PTPRN2: variants seen among roughly 807,000 people sequenced by gnomAD.
The protein encoded by PTPRN2 is protein tyrosine phosphatase receptor type N2.
A neutral mutation model predicts 118.8 loss-of-function variants in PTPRN2; 74 were observed. The ratio of observed to expected loss-of-function variants is 0.62; its 90% CI spans 0.52 to 0.76. PTPRN2 has a LOEUF of 0.76. PTPRN2 is among the 30% of genes least tolerant of loss of function. The probability of loss-of-function intolerance (pLI) is 0.00; values close to 1 mark genes in which losing one functional copy is unlikely to be tolerated. For missense variants in PTPRN2, 1,481 were observed against 1,394.4 expected, an observed-to-expected ratio of 1.06 and a Z score of -0.99; for synonymous variants, 641 against 608.0, an observed-to-expected ratio of 1.05 and a Z score of -0.80.
intron 6 of PTPRN2, among the ~76,000 whole-genome samples, chr7:158,156,754 G>T (rs1821857066): frequency 6.6e-6 from 1 of 152,286 alleles, no homozygotes; most frequent in African/African-American, 2.4e-5. Context: ...CCTGCCCTGT[G>T]CCCTCAGAGC....
chr7:157,938,761 G>C (rs951661919), intron 11 of PTPRN2, among the ~76,000 whole-genome samples: 1 of 152,206 alleles, frequency 6.6e-6, no homozygotes, highest in South Asian at 2.1e-4. Context: ...AAGCATGATT[G>C]TTTTTGAGTA....
At position 158,270,753 on chromosome 7, in the gene PTPRN2, T is replaced by C. The variant is rs1287195383; in HGVS notation, c.277+46066A>G. ...TGCCTTCTCTACCTGAGCCGTCTTC[T>C]CCACCTGGACCACCCCGTCCACCTG... On this transcript the variant is annotated intron_variant, in intron 3 of 22. Coordinates refer to ENST00000389418, the MANE Select transcript of PTPRN2 (RefSeq NM_002847.5). 9.6e-5 allele frequency among the ~76,000 whole-genome samples: 14 copies of C among 145,106 alleles called. 1 individual carries two copies. Among genetic ancestry groups the C allele is most frequent in the African/African-American group, 3.2e-4 (12 of 37,520 alleles).
intron 11 of PTPRN2, among the ~76,000 whole-genome samples, chr7:158,071,510 G>A (rs1309296028): frequency 7.2e-6 from 1 of 138,828 alleles, no homozygotes; most frequent in Non-Finnish European, 1.5e-5. Flanking sequence ...TGGTGGAGAT[G>A]CTCGTGGTGG....
chr7:157,580,976 G>T (rs1342300713), intron 17 of PTPRN2, among the ~76,000 whole-genome samples: 4 of 120,682 alleles, frequency 3.3e-5, no homozygotes, highest in Non-Finnish European at 6.7e-5. Context: ...GCACACCGCA[G>T]CCCCTGCACA....
intron 5 of PTPRN2, among the ~76,000 whole-genome samples, chr7:158,168,590 A>C (rs1233382091): frequency 6.6e-6 from 1 of 152,224 alleles, no homozygotes; most frequent in Non-Finnish European, 1.5e-5. Flanking sequence ...TGAAGACCTG[A>C]AACATGTTTG....
intron 11 of PTPRN2, among the ~76,000 whole-genome samples, chr7:158,068,620 A>G (rs1048145528): frequency 6.6e-6 from 1 of 151,994 alleles, no homozygotes; most frequent in Non-Finnish European, 1.5e-5. Context: ...ATCACTGTGA[A>G]CTAAGGTATC....
At chr7:157,843,137 ACTCT>A (rs776853893) in intron 12 of PTPRN2, among the ~76,000 whole-genome samples, 2 of 152,094 alleles carry the variant, frequency 1.3e-5, no homozygotes, top group East Asian at 1.9e-4. Context: ...AGAAAATTAA[ACTCT>A]CTCTGTTTAT....
chr7:157,549,466 A>G (rs1798487429), intron 21 of PTPRN2, among the ~76,000 whole-genome samples: 1 of 152,068 alleles, frequency 6.6e-6, no homozygotes, highest in Non-Finnish European at 1.5e-5. Flanking sequence ...ACTCAACCTT[A>G]ATATTGGCTT....
rs1022168452 is a variant in PTPRN2 at position 158,047,039 on chromosome 7, C to G, written c.1723+34259G>C. 5.3e-5 allele frequency among the ~76,000 whole-genome samples: 8 copies of G among 152,352 alleles called. No homozygotes were observed. The East Asian group carries it at 1.5e-3, about 29-fold the overall frequency. ...GAGGCCTGGCCTAAAAACGCCCCCG[C>G]CCCTCGCCCCGGAATGGAGCCTCCA... On this transcript the variant is annotated intron_variant, in intron 11 of 22. Transcript: ENST00000389418.
At chr7:157,595,204 T>G (rs1801220368) in intron 17 of PTPRN2, 34 bp downstream of exon 17, 1 of 1,600,916 alleles carries the variant, frequency 6.2e-7, no homozygotes, top group Admixed American at 1.7e-5. Flanking sequence ...GATCTTCTTT[T>G]CAGAAAGAGA....
At chr7:157,951,597 G>A (rs10267513) in intron 11 of PTPRN2, among the ~76,000 whole-genome samples, 2,286 of 152,300 alleles carry the variant, frequency 0.015, 52 homozygotes, top group African/African-American at 0.046. Flanking sequence ...TCTCAACACC[G>A]GGTGAAAAGG....
chr7:157,679,003 T>C (rs1441442102), intron 13 of PTPRN2, among the ~76,000 whole-genome samples: 1 of 152,050 alleles, frequency 6.6e-6, no homozygotes, highest in African/African-American at 2.4e-5. Flanking sequence ...GACACCTACA[T>C]GAAAAAAGAA....
intron 22 of PTPRN2, among the ~76,000 whole-genome samples, chr7:157,544,080 C>T (rs937053316): frequency 1.2e-4 from 16 of 137,726 alleles, no homozygotes; most frequent in African/African-American, 1.7e-4. Flanking sequence ...TGGAGAGAGA[C>T]GGAGAGAGGT....
intron 9 of PTPRN2, among the ~76,000 whole-genome samples, chr7:158,127,271 T>A (rs774274234): frequency 7.0e-4 from 106 of 151,502 alleles, no homozygotes; most frequent in Non-Finnish European, 7.6e-4. Flanking sequence ...AGGCTGCTCA[T>A]CCGTGCACCT....
At chr7:158,232,712 T>C (rs1325536057) in intron 3 of PTPRN2, among the ~76,000 whole-genome samples, 1 of 151,954 alleles carries the variant, frequency 6.6e-6, no homozygotes, top group African/African-American at 2.4e-5. Flanking sequence ...CAAGAACACA[T>C]TAAAAAGATC....
intron 10 of PTPRN2, among the ~76,000 whole-genome samples, chr7:158,104,546 G>A (rs1585449635): frequency 6.6e-6 from 1 of 152,114 alleles, no homozygotes; most frequent in Non-Finnish European, 1.5e-5. Context: ...AGAAAAGAGA[G>A]AGAACAGGAC....
At chr7:158,369,197 G>A (rs908702722) in intron 2 of PTPRN2, among the ~76,000 whole-genome samples, 24 of 151,022 alleles carry the variant, frequency 1.6e-4, no homozygotes, top group African/African-American at 4.6e-4. Flanking sequence ...CTTGCAGACA[G>A]CCTATTGTGG....
intron 4 of PTPRN2, among the ~76,000 whole-genome samples, chr7:158,198,269 A>T (rs1391869365): frequency 6.6e-6 from 1 of 152,302 alleles, no homozygotes; most frequent in East Asian, 1.9e-4. Flanking sequence ...GTTTATCATT[A>T]TGCCGCGTGG....
At chr7:158,249,332 T>TGCATGCACACACATCACAC (rs1451450503) in intron 3 of PTPRN2, among the ~76,000 whole-genome samples, 2 of 145,666 alleles carry the variant, frequency 1.4e-5, no homozygotes, top group Non-Finnish European at 3.0e-5. Context: ...GCACACACCC[T>TGCATGCACACACATCACAC]GCATGCACAC....
Sources: allele counts gnomAD v4.1 joint callset (sites outside exome capture counted in the v4.1 genomes callset), GRCh38; gene constraint gnomAD v4.1.1; transcripts MANE v1.5; gene names NCBI Gene and HGNC (gene_info 2026-07-23, HGNC 2026-07-21).